Variants in ZBBX observed in about 807,000 individuals in gnomAD.
ZBBX encodes zinc finger B-box domain-containing protein 1.
A neutral mutation model predicts 108.5 loss-of-function variants in ZBBX; 101 were observed. The observed-to-expected ratio is 0.93, with a 90% confidence interval of 0.79 to 1.10. The LOEUF is 1.10. Among genes scored for constraint, ZBBX ranks in the 50% least tolerant of loss-of-function variants. ZBBX has a pLI of 0.00. For synonymous variants in ZBBX, 356 were observed against 323.4 expected (o/e 1.10, Z -1.08); for missense variants, 1,009 against 941.4 (o/e 1.07, Z -0.94).
chr3:167,195,178 G>A, the ZBBX span, among the ~76,000 whole-genome samples: 4,460 of 152,190 alleles, frequency 0.029, 100 homozygotes, highest in Non-Finnish European at 0.044. Flanking sequence ...GTCTTGGGAG[G>A]ATAATCAGTG....
intron 11 of ZBBX, among the ~76,000 whole-genome samples, chr3:167,324,273 T>C (rs971052444): frequency 6.6e-6 from 1 of 152,072 alleles, no homozygotes; most frequent in African/African-American, 2.4e-5. Context: ...GCCTCCCACG[T>C]AGCTAGGACT....
intron 1 of ZBBX, among the ~76,000 whole-genome samples, chr3:167,388,815 A>G (rs976536829): frequency 6.6e-5 from 10 of 152,040 alleles, no homozygotes; most frequent in African/African-American, 2.4e-4. Flanking sequence ...CTCAAAGAAG[A>G]AAGACAGAAA....
In ZBBX at chr3:167,306,805, T is replaced by C. The variant is rs142088557; in HGVS notation, c.1418-855A>G. 7.0e-3 allele frequency among the ~76,000 whole-genome samples: 1,070 copies of C among 152,320 alleles called. 14 individuals carry two copies. Among genetic ancestry groups the C allele is most frequent in the African/African-American group, 0.025 (1,024 of 41,594 alleles). ...AATGTACACCATTATCCAGACTGAA[T>C]ATAGCTTCTTCTGGTTATCCCTTAC... On this transcript the variant is annotated intron_variant, in intron 16 of 21. Transcript: ENST00000675490.
the ZBBX span, among the ~76,000 whole-genome samples, chr3:167,211,869 C>T: frequency 2.6e-5 from 4 of 152,072 alleles, no homozygotes. Context: ...AGTGGGCCAC[C>T]ATCTTTGTTG....
the ZBBX span, among the ~76,000 whole-genome samples, chr3:167,207,803 C>G: frequency 1.3e-5 from 2 of 152,136 alleles, no homozygotes; most frequent in Non-Finnish European, 1.5e-5. Context: ...CCCCACAGAA[C>G]AGCAAGTTGA....
upstream of ZBBX, among the ~76,000 whole-genome samples, chr3:167,381,731 A>G (rs1220606635): frequency 6.6e-6 from 1 of 152,222 alleles, no homozygotes; most frequent in African/African-American, 2.4e-5. Flanking sequence ...TATTTATTGA[A>G]AGTCCATTTC....
At chr3:167,265,600 A>G (rs1033298360) in intron 20 of ZBBX, among the ~76,000 whole-genome samples, 5 of 152,152 alleles carry the variant, frequency 3.3e-5, no homozygotes, top group African/African-American at 1.2e-4. Context: ...GTGTCTCTCT[A>G]GGTCATGTGC....
intron 17 of ZBBX, among the ~76,000 whole-genome samples, chr3:167,301,977 A>C (rs946372223): frequency 6.7e-6 from 1 of 150,324 alleles, no homozygotes; most frequent in African/African-American, 2.5e-5. Context: ...AAAAAAAAAA[A>C]AACCTAGACA....
chr3:167,202,859 G>A, the ZBBX span, among the ~76,000 whole-genome samples: 1 of 151,972 alleles, frequency 6.6e-6, no homozygotes, highest in East Asian at 1.9e-4. Flanking sequence ...CCAACTGAGG[G>A]ACCCATTATT....
intron 2 of ZBBX, among the ~76,000 whole-genome samples, chr3:167,376,686 T>G (rs1450915351): frequency 1.3e-5 from 2 of 152,218 alleles, no homozygotes; most frequent in East Asian, 3.8e-4. Flanking sequence ...ATAATGTTAT[T>G]TAACCAATAA....
chr3:167,185,813 C>A, the ZBBX span, among the ~76,000 whole-genome samples: 1 of 152,060 alleles, frequency 6.6e-6, no homozygotes, highest in Admixed American at 6.6e-5. Context: ...GAAACATATT[C>A]ATAATGACCA....
upstream of ZBBX, among the ~76,000 whole-genome samples, chr3:167,380,981 A>C (rs1747674865): frequency 6.6e-6 from 1 of 151,818 alleles, no homozygotes; most frequent in African/African-American, 2.4e-5. Context: ...GGCTTCCTAA[A>C]TATGCTGTTT....
At chr3:167,213,762 G>C in the ZBBX span, among the ~76,000 whole-genome samples, 1 of 152,194 alleles carries the variant, frequency 6.6e-6, no homozygotes, top group Non-Finnish European at 1.5e-5. Context: ...ATGAAAGAAT[G>C]TTATAAAGGC....
intron 10 of ZBBX, 99 bp from the exon 11 acceptor site, chr3:167,328,215 G>T (rs181766277): frequency 1.9e-5 from 23 of 1,184,504 alleles, no homozygotes; most frequent in South Asian, 1.7e-4. Context: ...AATACAGGTA[G>T]AACTAATTAT....
At chr3:167,360,019 A>T (rs780561416) in intron 7 of ZBBX, 40 bp from the exon 8 acceptor site, 20 of 1,209,804 alleles carry the variant, frequency 1.7e-5, no homozygotes, top group East Asian at 1.6e-4. Context: ...TCATTTAAAA[A>T]TATGTTAAAT....
the ZBBX span, among the ~76,000 whole-genome samples, chr3:167,200,753 C>T: frequency 1.3e-5 from 2 of 152,104 alleles, no homozygotes; most frequent in Non-Finnish European, 2.9e-5. Context: ...CAGATTAGTT[C>T]TAGTAATGAG....
At chr3:167,349,042 C>T (rs1300070946) in intron 9 of ZBBX, among the ~76,000 whole-genome samples, 1 of 151,520 alleles carries the variant, frequency 6.6e-6, no homozygotes, top group Non-Finnish European at 1.5e-5. Flanking sequence ...GAGGAGAAGA[C>T]AGGGAGGGAG....
downstream of ZBBX, among the ~76,000 whole-genome samples, chr3:167,238,586 A>T (rs1720326252): frequency 6.6e-6 from 1 of 152,074 alleles, no homozygotes; most frequent in African/African-American, 2.4e-5. Flanking sequence ...CTAAACAACC[A>T]TCAGTCTTGT....
the ZBBX span, among the ~76,000 whole-genome samples, chr3:167,212,208 C>CTGGA: frequency 1.3e-5 from 2 of 152,146 alleles, no homozygotes; most frequent in Non-Finnish European, 2.9e-5. Flanking sequence ...TGACTAAGGA[C>CTGGA]TGGAGGTGGT....
Sources: gnomAD v4.1 joint callset for allele counts (sites outside exome capture counted in the v4.1 genomes callset) on GRCh38, gnomAD v4.1.1 for gene constraint, MANE v1.5 for transcripts, NCBI Gene and HGNC (gene_info 2026-07-23, HGNC 2026-07-21) for gene names.